The following SGCG variants were observed in gnomAD, a reference collection of about 807,000 sequenced individuals.
SGCG encodes sarcoglycan gamma.
In SGCG, 26 loss-of-function variants were observed where a neutral mutation model predicts 29.3. The observed-to-expected ratio is 0.89, with a 90% CI of 0.65 to 1.23. SGCG has a LOEUF of 1.23. SGCG is among the 50% of genes most tolerant of loss of function. The probability of loss-of-function intolerance (pLI) is 0.00; values close to 1 mark genes in which losing one functional copy is unlikely to be tolerated. For synonymous variants in SGCG, 145 were observed against 129.7 expected (o/e 1.12, Z -0.80); for missense variants, 353 against 356.0 (o/e 0.99, Z 0.07).
intron 2 of SGCG, among the ~76,000 whole-genome samples, chr13:23,223,438 C>T (rs1386689965): frequency 6.6e-6 from 1 of 151,854 alleles, no homozygotes; most frequent in Non-Finnish European, 1.5e-5. Flanking sequence ...CTTTTGTTCC[C>T]TGCCAATGAC....
intron 2 of SGCG, among the ~76,000 whole-genome samples, chr13:23,211,502 A>T (rs895523422): frequency 6.6e-6 from 1 of 152,038 alleles, no homozygotes; most frequent in African/African-American, 2.4e-5. Flanking sequence ...CACCATAGAG[A>T]CCAAGTGATT....
At chr13:23,270,214 T>C (rs1291938247) in intron 4 of SGCG, among the ~76,000 whole-genome samples, 1 of 152,224 alleles carries the variant, frequency 6.6e-6, no homozygotes, top group Non-Finnish European at 1.5e-5. Flanking sequence ...GGTAGATTCC[T>C]AGAAGTGGGA....
At chr13:23,267,881 A>G (rs1461490264) in intron 4 of SGCG, 2 of 152,212 alleles carry the variant, frequency 1.3e-5, no homozygotes, top group Non-Finnish European at 2.9e-5. Context: ...AGTATGAAGG[A>G]CCTTCCAGCG....
Position 23,218,932 on chromosome 13 carries a change from T to A in SGCG, c.195+15043T>A, listed in dbSNP as rs1303842659. ...ATATAAATATATATATTATTTAGTA[T>A]AAATATATATTATTTTGGCTCATAA... On this transcript the variant is annotated intron_variant, in intron 2 of 7. Coordinates refer to ENST00000218867, the MANE Select transcript of SGCG (RefSeq NM_000231.3). Among the ~76,000 whole-genome samples, 4 of 147,808 alleles carry A rather than the reference T, an allele frequency of 2.7e-5. No homozygotes were observed. In the East Asian group the frequency reaches 5.8e-4, roughly 22 times the overall value.
intron 5 of SGCG, among the ~76,000 whole-genome samples, chr13:23,292,111 A>C (rs1411235417): frequency 7.8e-6 from 1 of 128,948 alleles, no homozygotes; most frequent in Admixed American, 7.5e-5. Context: ...AATACATAAC[A>C]TTTCTTTCTT....
chr13:23,259,917 T>C (rs187212162), intron 4 of SGCG, among the ~76,000 whole-genome samples: 6 of 152,160 alleles, frequency 3.9e-5, no homozygotes, highest in Middle Eastern at 3.4e-3. Context: ...GACAGTTTGT[T>C]GTGATTTCTG....
chr13:23,214,652 A>G (rs569068435), intron 2 of SGCG, among the ~76,000 whole-genome samples: 103 of 152,146 alleles, frequency 6.8e-4, no homozygotes, highest in Non-Finnish European at 1.6e-4. Flanking sequence ...CCCTGCCTTA[A>G]TGATGCCCGG....
At chr13:23,269,610 A>G (rs1880780370) in intron 4 of SGCG, among the ~76,000 whole-genome samples, 1 of 152,204 alleles carries the variant, frequency 6.6e-6, no homozygotes, top group African/African-American at 2.4e-5. Context: ...AGGATAGCAT[A>G]CGGTAGGTAG....
chr13:23,174,901 C>T, the SGCG span, among the ~76,000 whole-genome samples: 1 of 147,154 alleles, frequency 6.8e-6, no homozygotes, highest in Non-Finnish European at 1.5e-5. Context: ...TCAGCTTTGA[C>T]CATGTAAAAG....
chr13:23,236,584 A>G (rs1044178485), intron 3 of SGCG, among the ~76,000 whole-genome samples: 3 of 152,086 alleles, frequency 2.0e-5, no homozygotes, highest in Admixed American at 6.5e-5. Context: ...AGGCTGAGGC[A>G]GGAGAATGGC....
chr13:23,237,548 C>T (rs1402474836), intron 3 of SGCG, among the ~76,000 whole-genome samples: 2 of 152,142 alleles, frequency 1.3e-5, no homozygotes, highest in African/African-American at 4.8e-5. Context: ...AATAAAGCAG[C>T]ATATAAAAAA....
the SGCG span, among the ~76,000 whole-genome samples, chr13:23,174,086 A>G: frequency 6.6e-5 from 10 of 152,200 alleles, no homozygotes; most frequent in Non-Finnish European, 1.0e-4. Flanking sequence ...GTGTCAGACA[A>G]TCTGCTTCCC....
chr13:23,189,690 C>G (rs1026042571), intron 1 of SGCG, among the ~76,000 whole-genome samples: 4 of 152,152 alleles, frequency 2.6e-5, no homozygotes, highest in Non-Finnish European at 4.4e-5. Flanking sequence ...AGAAAACTAT[C>G]ACCTTGCTTT....
At chr13:23,279,709 C>CCTTCCTTCCTTCCTTCCTTCCTT (rs1555243317) in intron 5 of SGCG, among the ~76,000 whole-genome samples, 1 of 148,032 alleles carries the variant, frequency 6.8e-6, no homozygotes, top group Non-Finnish European at 1.5e-5. Context: ...TACCCTTTGT[C>CCTTCCTTCCTTCCTTCCTTCCTT]CCTTCCTTCC....
rs1882543712 is a variant in SGCG, at chr13:23,310,344, C to T, written c.579-10293C>T. Among the ~76,000 whole-genome samples, 2 of 152,190 alleles carry T rather than the reference C, an allele frequency of 1.3e-5. 1 individual carries two copies. The highest frequency in any genetic ancestry group is 2.9e-5 in the Non-Finnish European group (2 of 68,006). On this transcript the variant is annotated intron_variant, in intron 6 of 7. Transcript: ENST00000218867. ...CTCATGATCTGCCCGCCTCGGCCTC[C>T]CAAAGTGCTGGGATTACAGGCGTGA...
intron 4 of SGCG, among the ~76,000 whole-genome samples, chr13:23,263,774 A>G (rs1880536632): frequency 6.6e-6 from 1 of 152,140 alleles, no homozygotes; most frequent in Admixed American, 6.5e-5. Context: ...GGTTCAACAT[A>G]TGCGAGTCAA....
intron 4 of SGCG, among the ~76,000 whole-genome samples, chr13:23,256,120 AG>A (rs1221288222): frequency 3.9e-5 from 6 of 152,350 alleles, no homozygotes; most frequent in African/African-American, 1.4e-4. Flanking sequence ...GGTGCAAAAA[AG>A]AATTTTAAAA....
rs1458583331 is a variant in SGCG, at chr13:23,216,303, C to A, written c.195+12414C>A. On this transcript the variant is annotated intron_variant, in intron 2 of 7. Transcript: ENST00000218867. ...AATAGAACACTATACTTTTTTGAAT[C>A]CTGAGCCATATCACAGTGCCATATG... 2.6e-5 allele frequency among the ~76,000 whole-genome samples: 4 copies of A among 151,940 alleles called. No homozygotes were observed. In the East Asian group the frequency reaches 7.7e-4, roughly 29 times the overall value.
intron 2 of SGCG, among the ~76,000 whole-genome samples, chr13:23,211,892 T>C (rs892626331): frequency 2.0e-5 from 3 of 152,154 alleles, no homozygotes; most frequent in African/African-American, 7.2e-5. Flanking sequence ...CCCAATCTCC[T>C]GTTGAATTGT....
Sources: gnomAD v4.1 joint callset for allele counts (sites outside exome capture counted in the v4.1 genomes callset) on GRCh38, gnomAD v4.1.1 for gene constraint, MANE v1.5 for transcripts, NCBI Gene and HGNC (gene_info 2026-07-23, HGNC 2026-07-21) for gene names.